Variants in RBM39 observed in about 807,000 individuals in gnomAD.
RBM39 encodes RNA binding motif protein 39.
A neutral mutation model predicts 79.6 loss-of-function variants in RBM39; 12 were observed. The ratio of observed to expected loss-of-function variants is 0.15; its 90% confidence interval spans 0.10 to 0.24. The LOEUF (loss-of-function observed/expected upper bound fraction) is 0.24. Ranked by LOEUF, RBM39 falls within the 10% of genes least tolerant of loss-of-function variation. The pLI, the probability that RBM39 is intolerant of heterozygous loss-of-function variation, is 1.00. For synonymous variants in RBM39, 185 were observed against 208.4 expected, an observed-to-expected ratio of 0.89 and a Z score of 0.97; for missense variants, 243 against 653.4, an observed-to-expected ratio of 0.37 and a Z score of 6.85.
At chr20:35,735,046 C>G in intron 3 of RBM39, 1 of 1,577,580 alleles carries the variant, frequency 6.3e-7, no homozygotes, top group Non-Finnish European at 8.5e-7. Flanking sequence ...TGACCTCTTC[C>G]ATGTAAGAAG....
At chr20:35,716,672 G>T in intron 10 of RBM39, 68 bp downstream of exon 10, 2 of 971,354 alleles carry the variant, frequency 2.1e-6, no homozygotes, top group Non-Finnish European at 3.1e-6. Flanking sequence ...AGACTAATCT[G>T]AGCAACACAG....
At chr20:35,706,860 T>C (rs1199985831) in intron 14 of RBM39, among the ~76,000 whole-genome samples, 1 of 151,664 alleles carries the variant, frequency 6.6e-6, no homozygotes, top group Non-Finnish European at 1.5e-5. Flanking sequence ...AAACCCCATC[T>C]CTACTAAAAC....
rs1217284952 is a variant in RBM39 at position 35,702,490 on chromosome 20, G to T, written c.*1991C>A. ...TTAACCACTAAAGGCCACATTTGCT[G>T]GTCCAGTTCCCTAGAAAGCAATGAC... is the stretch of plus-strand genomic sequence containing the variant. On this transcript the variant is annotated 3_prime_UTR_variant, in exon 17 of 17. Coordinates refer to ENST00000253363, the MANE Select transcript of RBM39 (RefSeq NM_184234.3). 6.6e-6 allele frequency: 1 copy of T among 152,146 alleles called. No homozygotes were observed. Among genetic ancestry groups the T allele is most frequent in the African/African-American group, 2.4e-5 (1 of 41,408 alleles). The allele number at this position is 152,146 out of a possible 1,614,324, so 9.4% of individuals were successfully genotyped here.
rs1463986687 is a variant in RBM39 at position 35,721,875 on chromosome 20, T to C, written c.690A>G (p.Ala230=). The change falls in exon 9 of 17, where the codon GCA becomes GCG. Residue 230 remains alanine, a splice_region_variant and synonymous_variant. Transcript: ENST00000253363. ...GVPIIVQASQ[A]EKNRAAAMAN... ...CCATTGCTGCAGCTCTGTTTTTTTC[T>C]GCCTAGAAGACAAAATACACGTCAC... is the stretch of plus-strand genomic sequence containing the variant. 4 of 1,613,532 alleles carry C rather than the reference T, an allele frequency of 2.5e-6. No individual in the cohort carries two copies. The highest frequency in any genetic ancestry group is 1.1e-5 in the South Asian group (1 of 91,074).
chr20:35,702,341 C>G lies in RBM39; in HGVS notation c.*2140G>C, dbSNP rs1601546754. On this transcript the variant is annotated 3_prime_UTR_variant, in exon 17 of 17. Transcript: ENST00000253363. ...CTGATTGGACATAAACAGTTTCACTCAGAATGAGCTGTTTTCTATGCACGA... is the reference window on the plus strand; with the variant it reads ...CTGATTGGACATAAACAGTTTCACTGAGAATGAGCTGTTTTCTATGCACGA... The G allele has an allele frequency of 6.6e-6, 1 of 152,210 alleles. No individual in the cohort carries two copies. Among genetic ancestry groups the G allele is most frequent in the East Asian group, 1.9e-4 (1 of 5,198 alleles). 9.4% of individuals were successfully genotyped at this position (152,210 alleles called of 1,614,324 possible). A position where few individuals can be genotyped will look rare whatever the true frequency, so the allele number is the denominator to read the frequency against.
intron 9 of RBM39, among the ~76,000 whole-genome samples, chr20:35,718,320 G>T (rs1008159843): frequency 6.6e-6 from 1 of 151,782 alleles, no homozygotes; most frequent in Non-Finnish European, 1.5e-5. Flanking sequence ...TAGAAAAGGA[G>T]TAGTCGTGGA....
chr20:35,724,145 A>G (rs1409628751), intron 8 of RBM39, among the ~76,000 whole-genome samples: 1 of 152,096 alleles, frequency 6.6e-6, no homozygotes, highest in African/African-American at 2.4e-5. Flanking sequence ...TAGCCTGGCC[A>G]ACATGATGAA....
chr20:35,718,351 G>A (rs565976828), intron 9 of RBM39, among the ~76,000 whole-genome samples: 1 of 152,004 alleles, frequency 6.6e-6, no homozygotes, highest in South Asian at 2.1e-4. Context: ...CTATGATAGG[G>A]ATAAGATATT....
chr20:35,729,368 G>T lies in RBM39; in HGVS notation c.363-3C>A. 1 of 1,606,224 alleles carries T rather than the reference G, an allele frequency of 6.2e-7. No individual in the cohort carries two copies. The highest frequency in any genetic ancestry group is 1.1e-5 in the South Asian group (1 of 89,458). On this transcript the variant is annotated splice_polypyrimidine_tract_variant and splice_region_variant and intron_variant, in intron 5 of 16. Coordinates refer to ENST00000253363, the MANE Select transcript of RBM39 (RefSeq NM_184234.3). ...TTTTGCTTCGGGAACGTCGTCTGCT[G>T]CAAAGTTAAAAAGTTTCAGAAGTTA...
intron 3 of RBM39, chr20:35,736,655 T>C: frequency 2.2e-6 from 1 of 458,506 alleles, no homozygotes. Flanking sequence ...GTATGACAGA[T>C]TTTTATGTTT....
At chr20:35,725,666 T>C (rs2038570757) in intron 6 of RBM39, among the ~76,000 whole-genome samples, 2 of 140,982 alleles carry the variant, frequency 1.4e-5, no homozygotes, top group Admixed American at 7.0e-5. Context: ...TCTTTTTTTT[T>C]TTTTTTTTTT....
intron 9 of RBM39, among the ~76,000 whole-genome samples, chr20:35,718,736 C>G (rs2037493869): frequency 6.9e-6 from 1 of 145,574 alleles, no homozygotes; most frequent in African/African-American, 2.6e-5. Context: ...TCGCTTGAAC[C>G]TGGGAGATGG....
At chr20:35,732,179 C>G in intron 3 of RBM39, 44 bp from the exon 4 acceptor site, 1 of 1,562,826 alleles carries the variant, frequency 6.4e-7, no homozygotes, top group Middle Eastern at 1.7e-4. Flanking sequence ...GCTTAAGAAC[C>G]CACCAAAATA....
intron 3 of RBM39, among the ~76,000 whole-genome samples, chr20:35,733,426 G>A (rs1280433686): frequency 1.3e-5 from 2 of 151,938 alleles, no homozygotes; most frequent in South Asian, 2.1e-4. Context: ...TAGTCGACAC[G>A]GTGAAAACCC....
At position 35,713,105 on chromosome 20, in the gene RBM39, G is replaced by T. The variant is rs1418134359; in HGVS notation, c.1097-9C>A. The T allele has an allele frequency of 2.5e-6, 4 of 1,611,352 alleles. No individual in the cohort carries two copies. The highest frequency in any genetic ancestry group is 1.1e-5 in the South Asian group (1 of 90,828). ...AATCTGCAAACCTGTACCTGTAAAA[G>T]AATAGTCTTAAAGTTCCTACTATGT... is the stretch of plus-strand genomic sequence containing the variant. On this transcript the variant is annotated splice_polypyrimidine_tract_variant and intron_variant, in intron 11 of 16. Transcript: ENST00000253363.
chr20:35,742,051 C>A lies in RBM39; in HGVS notation c.-124G>T. ...CTGTTGCTACTGTTAAGCCCCTAGGCCCAGGCCGCGGAACCGCCCAGCCCG... is the reference window on the plus strand; with the variant it reads ...CTGTTGCTACTGTTAAGCCCCTAGGACCAGGCCGCGGAACCGCCCAGCCCG... On this transcript the variant is annotated 5_prime_UTR_variant, in exon 1 of 17. Coordinates refer to ENST00000253363, the MANE Select transcript of RBM39 (RefSeq NM_184234.3). 1 of 204,322 alleles carries A rather than the reference C, an allele frequency of 4.9e-6. No individual in the cohort carries two copies. The highest frequency in any genetic ancestry group is 1.0e-5 in the Non-Finnish European group (1 of 98,084). 12.7% of individuals were successfully genotyped at this position (204,322 alleles called of 1,614,324 possible).
chr20:35,732,295 AT>A (rs2039457760), intron 3 of RBM39, 160 bp from the exon 4 acceptor site: 1 of 599,938 alleles, frequency 1.7e-6, no homozygotes, highest in African/African-American at 2.0e-5. Context: ...AAAAAAAAAA[AT>A]CCTGTAATCT....
At chr20:35,722,671 C>G (rs570553248) in intron 8 of RBM39, among the ~76,000 whole-genome samples, 1 of 151,684 alleles carries the variant, frequency 6.6e-6, no homozygotes, top group Middle Eastern at 3.4e-3. Context: ...CAGTGTCTCA[C>G]GCCTGTAATC....
intron 14 of RBM39, among the ~76,000 whole-genome samples, chr20:35,705,784 T>G (rs2035650519): frequency 6.9e-6 from 1 of 144,152 alleles, no homozygotes; most frequent in African/African-American, 2.6e-5. Flanking sequence ...GGTAACTCCG[T>G]CTCAAAAAAA....
Sources: gnomAD v4.1 joint callset for allele counts (sites outside exome capture counted in the v4.1 genomes callset) on GRCh38, gnomAD v4.1.1 for gene constraint, MANE v1.5 for transcripts, NCBI Gene and HGNC (gene_info 2026-07-23, HGNC 2026-07-21) for gene names.